FARS2: variants seen among roughly 807,000 people sequenced by gnomAD.
FARS2 encodes the protein phenylalanine--tRNA ligase, mitochondrial.
Under a neutral mutation model 46.4 loss-of-function variants are expected in FARS2, and 40 were observed. The observed-to-expected ratio is 0.86, with a 90% CI of 0.67 to 1.12. The LOEUF (loss-of-function observed/expected upper bound fraction) is 1.12. Ranked by LOEUF, FARS2 falls within the 50% of genes most tolerant of loss-of-function variation. The pLI is 0.00. For synonymous variants in FARS2, 234 were observed against 214.9 expected, an observed-to-expected ratio of 1.09 and a Z score of -0.78; for missense variants, 513 against 567.9, an observed-to-expected ratio of 0.90 and a Z score of 0.98.
chr6:5,252,116 A>G, the FARS2 span, among the ~76,000 whole-genome samples: 2 of 152,212 alleles, frequency 1.3e-5, no homozygotes, highest in Non-Finnish European at 2.9e-5. Context: ...TTTACCACTC[A>G]TGAAACTAGG....
chr6:5,477,832 A>G (rs1214951069), intron 4 of FARS2, among the ~76,000 whole-genome samples: 2 of 152,086 alleles, frequency 1.3e-5, no homozygotes, highest in Non-Finnish European at 1.5e-5. Context: ...CAGCCTGGGC[A>G]AGATAGTGAG....
At chr6:5,385,388 G>GC (rs1760049293) in intron 2 of FARS2, among the ~76,000 whole-genome samples, 2 of 152,086 alleles carry the variant, frequency 1.3e-5, no homozygotes, top group South Asian at 4.2e-4. Context: ...GCATTTGGGG[G>GC]AGATGAAGGC....
chr6:5,544,317 G>A (rs894512589), intron 4 of FARS2, among the ~76,000 whole-genome samples: 3 of 152,146 alleles, frequency 2.0e-5, no homozygotes, highest in Non-Finnish European at 4.4e-5. Flanking sequence ...CATACTCAAC[G>A]GGAGGAGTTT....
At chr6:5,427,193 A>C (rs1003111082) in intron 3 of FARS2, among the ~76,000 whole-genome samples, 1 of 152,216 alleles carries the variant, frequency 6.6e-6, no homozygotes, top group African/African-American at 2.4e-5. Flanking sequence ...CATATCCATC[A>C]TGATATTCTC....
At chr6:5,277,756 A>T (rs993269664) in intron 1 of FARS2, among the ~76,000 whole-genome samples, 1 of 152,208 alleles carries the variant, frequency 6.6e-6, no homozygotes, top group Non-Finnish European at 1.5e-5. Flanking sequence ...ATATATCATG[A>T]TTGATAATAT....
chr6:5,454,899 T>C (rs536228317), intron 4 of FARS2, among the ~76,000 whole-genome samples: 1 of 152,316 alleles, frequency 6.6e-6, no homozygotes, highest in Admixed American at 6.5e-5. Context: ...GATGACCCTG[T>C]GACCCACTCC....
intron 1 of FARS2, among the ~76,000 whole-genome samples, chr6:5,271,037 T>G (rs940314263): frequency 2.0e-5 from 3 of 152,230 alleles, no homozygotes; most frequent in African/African-American, 4.8e-5. Flanking sequence ...TGCAAGTAAC[T>G]GAAGTCAAAT....
In FARS2 at chr6:5,614,679, G is replaced by A. The variant is rs374243048; in HGVS notation, c.1217+1359G>A. Among the ~76,000 whole-genome samples, 8 of 152,284 alleles carry A rather than the reference G, an allele frequency of 5.3e-5. No homozygotes were observed. The East Asian group carries it at 1.5e-3, about 29-fold the overall frequency. On this transcript the variant is annotated intron_variant, in intron 6 of 6. Coordinates refer to ENST00000274680, the MANE Select transcript of FARS2 (RefSeq NM_006567.5). ...CTCCCAAAGTGCTGTGATTACAGGC[G>A]TGAGCCATCGCGCTGGGCTGCCTTC...
At chr6:5,610,823 C>T (rs1370259057) in intron 5 of FARS2, among the ~76,000 whole-genome samples, 1 of 152,250 alleles carries the variant, frequency 6.6e-6, no homozygotes. Context: ...GCCTGTCCAG[C>T]TTCAGCCTCT....
chr6:5,402,648 A>G (rs1475958166), intron 2 of FARS2, among the ~76,000 whole-genome samples: 2 of 152,052 alleles, frequency 1.3e-5, no homozygotes, highest in Non-Finnish European at 2.9e-5. Flanking sequence ...GCTGTGCTTT[A>G]TCTTTCACAA....
At chr6:5,346,725 T>C (rs1401191637) in intron 1 of FARS2, among the ~76,000 whole-genome samples, 2 of 152,132 alleles carry the variant, frequency 1.3e-5, no homozygotes, top group African/African-American at 4.8e-5. Context: ...CATATTCATC[T>C]GTCTATCCCT....
At position 5,523,362 on chromosome 6, in the gene FARS2, G is replaced by C. The variant is rs12524334; in HGVS notation, c.905-21818G>C. 4.3e-3 allele frequency among the ~76,000 whole-genome samples: 659 copies of C among 152,210 alleles called. 13 individuals are homozygous for C. Among genetic ancestry groups the C allele is most frequent in the Admixed American group, 0.038 (582 of 15,300 alleles). ...GGCAAGGACAACAGAGGGCTTTTTT[G>C]ACTGGTAGAGTTGGAATCCACCAGC... On this transcript the variant is annotated intron_variant, in intron 4 of 6. Coordinates refer to ENST00000274680, the MANE Select transcript of FARS2 (RefSeq NM_006567.5).
intron 6 of FARS2, among the ~76,000 whole-genome samples, chr6:5,677,734 G>A (rs952011394): frequency 6.6e-6 from 1 of 152,238 alleles, no homozygotes; most frequent in Non-Finnish European, 1.5e-5. Context: ...ATAACAGAGT[G>A]TGTGTTCATT....
In FARS2 at chr6:5,621,263, T is replaced by C. The variant is rs201372729; in HGVS notation, c.1217+7943T>C. On this transcript the variant is annotated intron_variant, in intron 6 of 6. Transcript: ENST00000274680. ...CACCACACTTGGCTAACTTTTTTTTTTTTTTTAATAGAGATGGAGGTCTTG... is the reference window on the plus strand; with the variant it reads ...CACCACACTTGGCTAACTTTTTTTTCTTTTTTAATAGAGATGGAGGTCTTG... Among the ~76,000 whole-genome samples, 13 of 151,996 alleles carry C rather than the reference T, an allele frequency of 8.6e-5. No homozygotes were observed. The East Asian group carries it at 2.5e-3, about 29-fold the overall frequency.
chr6:5,481,941 C>T (rs944979695), intron 4 of FARS2, among the ~76,000 whole-genome samples: 9 of 152,230 alleles, frequency 5.9e-5, no homozygotes, highest in Admixed American at 2.6e-4. Flanking sequence ...GGACTGTCCT[C>T]GTAAGTTCCT....
At chr6:5,550,542 A>G (rs1401889650) in intron 5 of FARS2, among the ~76,000 whole-genome samples, 1 of 152,212 alleles carries the variant, frequency 6.6e-6, no homozygotes, top group Non-Finnish European at 1.5e-5. Flanking sequence ...TCAGGGTTAC[A>G]GGCATGATGA....
upstream of FARS2, among the ~76,000 whole-genome samples, chr6:5,256,490 G>GAAAAAAAAAAAAAAAAAA (rs777995486): frequency 7.5e-4 from 28 of 37,522 alleles, 11 homozygotes; most frequent in African/African-American, 8.9e-4. Context: ...GATTTCAACT[G>GAAAAAAAAAAAAAAAAAA]GAAAAAAAAA....
intron 1 of FARS2, among the ~76,000 whole-genome samples, chr6:5,305,107 G>A (rs185400044): frequency 1.1e-4 from 16 of 152,306 alleles, no homozygotes; most frequent in African/African-American, 3.6e-4. Flanking sequence ...GAGTGCTTGT[G>A]TGGAGAAGGA....
chr6:5,599,086 T>C (rs1561741886), intron 5 of FARS2, among the ~76,000 whole-genome samples: 1 of 152,236 alleles, frequency 6.6e-6, no homozygotes, highest in East Asian at 1.9e-4. Context: ...TGATGTGAAA[T>C]TAACAAGAAA....
Sources: allele counts gnomAD v4.1 joint callset (sites outside exome capture counted in the v4.1 genomes callset), GRCh38; gene constraint gnomAD v4.1.1; transcripts MANE v1.5; gene names NCBI Gene and HGNC (gene_info 2026-07-23, HGNC 2026-07-21).